The following RUNX2 variants were observed in gnomAD, a reference collection of about 807,000 sequenced individuals.
RUNX2 encodes the protein RUNX family transcription factor 2.
In RUNX2, 10 loss-of-function variants were observed where a neutral mutation model predicts 51.7. That is an observed-to-expected ratio of 0.19 (90% CI 0.12 to 0.33). The LOEUF is 0.33. Among genes scored for constraint, RUNX2 ranks in the 10% least tolerant of loss-of-function variants. The pLI, the probability that RUNX2 is intolerant of heterozygous loss-of-function variation, is 1.00. For synonymous variants in RUNX2, 276 were observed against 273.6 expected (o/e 1.01, Z -0.09); for missense variants, 562 against 691.3 (o/e 0.81, Z 2.10).
chr6:45,464,187 C>T (rs573608772), intron 5 of RUNX2, among the ~76,000 whole-genome samples: 20 of 140,130 alleles, frequency 1.4e-4, no homozygotes, highest in East Asian at 3.9e-4. Context: ...AGCGAGACTC[C>T]GTCTAAAAAA....
At chr6:45,474,974 A>C (rs1026525101) in intron 5 of RUNX2, among the ~76,000 whole-genome samples, 1 of 152,032 alleles carries the variant, frequency 6.6e-6, no homozygotes, top group Non-Finnish European at 1.5e-5. Context: ...AAAGAAGCTT[A>C]ATCTCCGGGT....
At chr6:45,350,156 T>C (rs976685849) in intron 2 of RUNX2, among the ~76,000 whole-genome samples, 1 of 152,224 alleles carries the variant, frequency 6.6e-6, no homozygotes, top group Non-Finnish European at 1.5e-5. Flanking sequence ...ATATTTCTAA[T>C]ACAATTAGAA....
chr6:45,396,051 G>A (rs1797574390), intron 2 of RUNX2, among the ~76,000 whole-genome samples: 2 of 152,112 alleles, frequency 1.3e-5, no homozygotes, highest in Non-Finnish European at 2.9e-5. Flanking sequence ...TTAGAATAAA[G>A]ACAGTTTCAA....
chr6:45,370,270 T>C (rs1223623926), intron 2 of RUNX2, among the ~76,000 whole-genome samples: 2 of 152,094 alleles, frequency 1.3e-5, no homozygotes, highest in Admixed American at 1.3e-4. Context: ...GCAGAACTGA[T>C]TTGCTGATGG....
chr6:45,435,592 A>G (rs1270018782), intron 4 of RUNX2, among the ~76,000 whole-genome samples: 2 of 152,198 alleles, frequency 1.3e-5, no homozygotes, highest in Non-Finnish European at 2.9e-5. Flanking sequence ...TCCTGACCTC[A>G]GGCGATCTGC....
chr6:45,423,041 C>G, intron 3 of RUNX2, 84 bp downstream of exon 3: 2 of 1,542,248 alleles, frequency 1.3e-6, no homozygotes. Flanking sequence ...GGGCTGGGCC[C>G]CGGACGTCCT....
At chr6:45,535,301 A>C (rs907152636) in intron 7 of RUNX2, among the ~76,000 whole-genome samples, 2 of 152,124 alleles carry the variant, frequency 1.3e-5, no homozygotes, top group Non-Finnish European at 2.9e-5. Context: ...TCCCCAGCAC[A>C]CTTATAAGAA....
At chr6:45,334,449 CAAAAAAA>C (rs551014969) in intron 2 of RUNX2, among the ~76,000 whole-genome samples, 3 of 91,756 alleles carry the variant, frequency 3.3e-5, no homozygotes, top group African/African-American at 1.3e-4. Context: ...TCAGGAAAAG[CAAAAAAA>C]AAAAAAAAAA....
intron 2 of RUNX2, among the ~76,000 whole-genome samples, chr6:45,357,155 C>T (rs1028201161): frequency 2.6e-5 from 4 of 151,738 alleles, no homozygotes; most frequent in Middle Eastern, 3.5e-3. Context: ...TACAGGCACC[C>T]GCCACCAAGC....
At position 45,531,702 on chromosome 6, in the gene RUNX2, G is replaced by A. The variant is rs1316177826; in HGVS notation, c.1022-13515G>A. 1.2e-4 allele frequency among the ~76,000 whole-genome samples: 18 copies of A among 151,998 alleles called. 1 individual carries two copies. Among genetic ancestry groups the A allele is most frequent in the Non-Finnish European group, 1.8e-4 (12 of 68,010 alleles). On this transcript the variant is annotated intron_variant, in intron 7 of 8. Coordinates refer to ENST00000647337, the MANE Select transcript of RUNX2 (RefSeq NM_001024630.4). ...CAGGAGACAGAGGCTGTGGTGAGCC[G>A]AGATGGCGCCACTGCACTCCAGTCT...
intron 4 of RUNX2, among the ~76,000 whole-genome samples, chr6:45,434,358 G>T (rs1798623357): frequency 6.6e-6 from 1 of 152,034 alleles, no homozygotes; most frequent in African/African-American, 2.4e-5. Flanking sequence ...TCAACATGCT[G>T]CTACCATTGT....
intron 5 of RUNX2, among the ~76,000 whole-genome samples, chr6:45,476,349 C>A (rs1799956177): frequency 6.6e-6 from 1 of 152,122 alleles, no homozygotes; most frequent in South Asian, 2.1e-4. Context: ...GAGGAAGGAC[C>A]TTGCTCAGAA....
chr6:45,540,817 G>A (rs1005536747), intron 7 of RUNX2, among the ~76,000 whole-genome samples: 4 of 151,818 alleles, frequency 2.6e-5, no homozygotes, highest in Non-Finnish European at 4.4e-5. Flanking sequence ...CCCAGATACT[G>A]GCTGGGAGGC....
At chr6:45,403,914 C>T (rs974821798) in intron 2 of RUNX2, among the ~76,000 whole-genome samples, 3 of 151,968 alleles carry the variant, frequency 2.0e-5, no homozygotes, top group South Asian at 4.1e-4. Flanking sequence ...GAGAGAAAAT[C>T]GCTATCTCCC....
In RUNX2 at chr6:45,512,363, G is replaced by T. The variant is rs143092997; in HGVS notation, c.977G>T (p.Gly326Val). 13 of 1,614,068 alleles carry T rather than the reference G, an allele frequency of 8.1e-6. No individual in the cohort carries two copies. Among genetic ancestry groups the T allele is most frequent in the Admixed American group, 1.7e-5 (1 of 60,006 alleles). ...ACCACCCCGCTGTCTTCCACACGGG[G>T]CACTGGGCTTCCTGCCATCACCGAT... ...HSTTPLSSTRGTGLPAITDVP... is the reference protein window; with the variant it reads ...HSTTPLSSTRVTGLPAITDVP... Residue 326 changes from glycine (G) to valine (V), a missense_variant, in exon 7 of 9, where the codon GGC becomes GTC. Gly to Val is a moderately radical substitution (Grantham distance 109). Transcript: ENST00000647337.
intron 2 of RUNX2, among the ~76,000 whole-genome samples, chr6:45,342,229 A>G (rs1789933399): frequency 6.7e-6 from 1 of 150,222 alleles, no homozygotes; most frequent in South Asian, 2.1e-4. Flanking sequence ...GTGCCTAGTG[A>G]AAAAAAAATA....
chr6:45,405,905 G>A (rs572626379), intron 2 of RUNX2, among the ~76,000 whole-genome samples: 1 of 152,256 alleles, frequency 6.6e-6, no homozygotes, highest in South Asian at 2.1e-4. Context: ...GACATTTGAT[G>A]AGATACCACC....
chr6:45,373,598 C>T (rs1796389931), intron 2 of RUNX2, among the ~76,000 whole-genome samples: 1 of 152,098 alleles, frequency 6.6e-6, no homozygotes, highest in African/African-American at 2.4e-5. Context: ...GTCGCCCAGG[C>T]TGGAGTGCAG....
intron 5 of RUNX2, among the ~76,000 whole-genome samples, chr6:45,463,161 A>G (rs1799522437): frequency 1.3e-5 from 2 of 152,216 alleles, no homozygotes; most frequent in Non-Finnish European, 2.9e-5. Flanking sequence ...TTCCTGGGTC[A>G]CTTTTCTTTT....
Sources: gnomAD v4.1 joint callset for allele counts (sites outside exome capture counted in the v4.1 genomes callset) on GRCh38, gnomAD v4.1.1 for gene constraint, MANE v1.5 for transcripts, NCBI Gene and HGNC (gene_info 2026-07-23, HGNC 2026-07-21) for gene names.